The following NHSL2 variants were observed in gnomAD, a reference collection of about 807,000 sequenced individuals.
NHSL2 encodes the protein NHS-like protein 2.
In NHSL2, 27 loss-of-function variants were observed where a neutral mutation model predicts 53.4. The ratio of observed to expected loss-of-function variants is 0.51; its 90% CI spans 0.37 to 0.70. The LOEUF is 0.70. Among genes scored for constraint, NHSL2 ranks in the 30% least tolerant of loss-of-function variants. NHSL2 has a pLI of 0.00. For synonymous variants in NHSL2, 408 were observed against 404.1 expected (o/e 1.01, Z -0.12); for missense variants, 892 against 980.1 (o/e 0.91, Z 1.20).
At chrX:72,018,891 G>A (rs1221033338) in intron 1 of NHSL2, among the ~76,000 whole-genome samples, 2 of 113,082 alleles carry the variant, frequency 1.8e-5, no homozygotes, top group Non-Finnish European at 3.8e-5. Context: ...GAATGTTTCT[G>A]CAGTGCCAGA....
chrX:71,958,448 G>T (rs996643463), intron 1 of NHSL2, among the ~76,000 whole-genome samples: 1 of 111,979 alleles, frequency 8.9e-6, no homozygotes. Context: ...AGAAGGCCAT[G>T]CAGGGAACAA....
chrX:71,997,671 G>A (rs184743594), intron 1 of NHSL2, among the ~76,000 whole-genome samples: 1 of 111,695 alleles, frequency 9.0e-6, no homozygotes, highest in African/African-American at 3.3e-5. Flanking sequence ...CTTAGCCTCT[G>A]TGCCTCAGGT....
intron 2 of NHSL2, 51 bp from the exon 3 acceptor site, chrX:72,134,040 C>T: frequency 1.7e-6 from 2 of 1,146,179 alleles, no homozygotes; most frequent in Non-Finnish European, 2.3e-6. Flanking sequence ...CCCGGCCCAG[C>T]GCTCGGCCAT....
At chrX:71,965,732 A>C (rs947026143) in intron 1 of NHSL2, among the ~76,000 whole-genome samples, 12 of 112,468 alleles carry the variant, frequency 1.1e-4, no homozygotes, top group Admixed American at 7.6e-4. Context: ...GAGTTTTACT[A>C]TTCATGAACG....
At chrX:72,054,166 C>G (rs2042355444) in intron 1 of NHSL2, among the ~76,000 whole-genome samples, 1 of 111,911 alleles carries the variant, frequency 8.9e-6, no homozygotes, top group East Asian at 2.8e-4. Flanking sequence ...CTTTCTCTGC[C>G]ATACTCCTCT....
rs190592926 is a variant in NHSL2, at chrX:72,052,028, C to T, written c.281-80051C>T. ...ATTTATCCCAGCAGCTTATACAAAT[C>T]AGACATAAAGCCTCTTGACTCTTTT... On this transcript the variant is annotated intron_variant, in intron 1 of 7. Coordinates refer to ENST00000633930, the MANE Select transcript of NHSL2 (RefSeq NM_001013627.3). 3.6e-5 allele frequency among the ~76,000 whole-genome samples: 4 copies of T among 112,534 alleles called. No individual in the cohort carries two copies. In the Admixed American group the frequency reaches 3.8e-4, roughly 11 times the overall value.
At position 72,065,201 on chromosome X, in the gene NHSL2, G is replaced by A. The variant is rs1033912066; in HGVS notation, c.281-66878G>A. On this transcript the variant is annotated intron_variant, in intron 1 of 7. Transcript: ENST00000633930. The stretch of plus-strand genomic sequence containing the variant: ...AAAGGAGGGCTGGGAGGAAGGAGAG[G>A]AAGGAAGGTCTGCATGAGCAGGGTA... 2.7e-5 allele frequency among the ~76,000 whole-genome samples: 3 copies of A among 111,890 alleles called. No homozygotes were observed. In the South Asian group the frequency reaches 1.1e-3, roughly 42 times the overall value.
At chrX:71,941,182 T>C (rs1245854533) in intron 1 of NHSL2, among the ~76,000 whole-genome samples, 3 of 111,817 alleles carry the variant, frequency 2.7e-5, no homozygotes, top group African/African-American at 9.8e-5. Context: ...CTCTTGTGTA[T>C]GTGTGTGTGT....
intron 1 of NHSL2, among the ~76,000 whole-genome samples, chrX:71,940,647 G>A (rs777146337): frequency 1.8e-5 from 2 of 110,089 alleles, no homozygotes; most frequent in Non-Finnish European, 3.8e-5. Flanking sequence ...AAGGCAGAAA[G>A]TATGGATGTG....
At chrX:72,083,611 A>G (rs1021092506) in intron 1 of NHSL2, among the ~76,000 whole-genome samples, 1 of 112,345 alleles carries the variant, frequency 8.9e-6, no homozygotes, top group Non-Finnish European at 1.9e-5. Flanking sequence ...GCCACTTTCT[A>G]TTTATGGCAA....
chrX:72,089,575 T>C (rs976543113), intron 1 of NHSL2, among the ~76,000 whole-genome samples: 1 of 110,689 alleles, frequency 9.0e-6, no homozygotes, highest in Non-Finnish European at 1.9e-5. Context: ...TGAAGAAAGA[T>C]GAACACCTGC....
chrX:72,004,186 G>A (rs994120808), intron 1 of NHSL2, among the ~76,000 whole-genome samples: 6 of 112,206 alleles, frequency 5.3e-5, no homozygotes, highest in Non-Finnish European at 7.5e-5. Flanking sequence ...GGAATGTCCC[G>A]GAGACAGAGA....
At chrX:71,917,029 A>G (rs911378934) in intron 1 of NHSL2, among the ~76,000 whole-genome samples, 3 of 111,890 alleles carry the variant, frequency 2.7e-5, no homozygotes, top group Non-Finnish European at 5.6e-5. Context: ...ATTTCACTCA[A>G]ATAAGCCCTC....
chrX:72,042,721 CAG>C (rs1268541108), intron 1 of NHSL2, among the ~76,000 whole-genome samples: 2 of 96,935 alleles, frequency 2.1e-5, no homozygotes, highest in African/African-American at 7.5e-5. Context: ...GGCTGAAAAG[CAG>C]AGTGTCTGGC....
intron 1 of NHSL2, among the ~76,000 whole-genome samples, chrX:71,964,915 A>G (rs1430292793): frequency 9.0e-6 from 1 of 111,705 alleles, no homozygotes; most frequent in African/African-American, 3.3e-5. Flanking sequence ...TTGTATCTAA[A>G]AAGTCATTGC....
intron 1 of NHSL2, among the ~76,000 whole-genome samples, chrX:72,020,230 A>G (rs1405773049): frequency 8.9e-6 from 1 of 112,527 alleles, no homozygotes; most frequent in Admixed American, 9.4e-5. Context: ...TTATGCCTTC[A>G]TTAAAATACA....
chrX:72,055,454 C>T (rs1343905431), intron 1 of NHSL2, among the ~76,000 whole-genome samples: 1 of 112,461 alleles, frequency 8.9e-6, no homozygotes, highest in Non-Finnish European at 1.9e-5. Context: ...TGTGTCTTGC[C>T]TATGCCTCTT....
At chrX:72,071,172 G>A (rs922997800) in intron 1 of NHSL2, among the ~76,000 whole-genome samples, 15 of 111,635 alleles carry the variant, frequency 1.3e-4, no homozygotes, top group Non-Finnish European at 7.5e-5. Flanking sequence ...TCCTATATGG[G>A]CTGAATTTGG....
At chrX:72,012,288 A>G (rs1456944384) in intron 1 of NHSL2, among the ~76,000 whole-genome samples, 1 of 110,322 alleles carries the variant, frequency 9.1e-6, no homozygotes, top group Non-Finnish European at 1.9e-5. Context: ...TTTTTTTTGT[A>G]TAAGGTGTGA....
Sources: allele counts gnomAD v4.1 joint callset (sites outside exome capture counted in the v4.1 genomes callset), GRCh38; gene constraint gnomAD v4.1.1; transcripts MANE v1.5; gene names NCBI Gene and HGNC (gene_info 2026-07-23, HGNC 2026-07-21).